The following LEMD3 variants were observed in gnomAD, a reference collection of about 807,000 sequenced individuals.
The protein encoded by LEMD3 is inner nuclear membrane protein Man1.
A neutral mutation model predicts 95.2 loss-of-function variants in LEMD3; 33 were observed. The observed-to-expected ratio is 0.35, with a 90% CI of 0.26 to 0.46. The LOEUF is 0.46. LEMD3 is among the 20% of genes least tolerant of loss of function. The pLI, the probability that LEMD3 is intolerant of heterozygous loss-of-function variation, is 1.00. For synonymous variants in LEMD3, 525 were observed against 474.6 expected (o/e 1.11, Z -1.38); for missense variants, 1,210 against 1,192.8 (o/e 1.01, Z -0.21).
At chr12:65,225,283 G>T (rs1870413163) in intron 4 of LEMD3, among the ~76,000 whole-genome samples, 1 of 151,990 alleles carries the variant, frequency 6.6e-6, no homozygotes, top group Non-Finnish European at 1.5e-5. Flanking sequence ...CATGTGCCTT[G>T]TTACTTTGTG....
intron 1 of LEMD3, among the ~76,000 whole-genome samples, chr12:65,199,708 A>G (rs1365338000): frequency 6.6e-6 from 1 of 152,110 alleles, no homozygotes; most frequent in Non-Finnish European, 1.5e-5. Context: ...AGATTGAATT[A>G]TGAATAAAGC....
intron 1 of LEMD3, among the ~76,000 whole-genome samples, chr12:65,205,984 T>G (rs1017379183): frequency 1.3e-5 from 2 of 152,160 alleles, no homozygotes; most frequent in African/African-American, 4.8e-5. Context: ...TAGAGAACTT[T>G]CAGAAAACAA....
In LEMD3 at chr12:65,214,234, T is replaced by C. The variant is rs1363272314; in HGVS notation, c.1561-1743T>C. Among the ~76,000 whole-genome samples, 3 of 152,060 alleles carry C rather than the reference T, an allele frequency of 2.0e-5. No individual in the cohort carries two copies. The South Asian group carries it at 6.2e-4, about 31-fold the overall frequency. Reference sequence around the variant, plus strand: ...TGCATGCCACCACGCTCAGCTCATGTTCCACCCTCCTCGGCCTCCCAAAGT... The same window carrying C: ...TGCATGCCACCACGCTCAGCTCATGCTCCACCCTCCTCGGCCTCCCAAAGT... On this transcript the variant is annotated intron_variant, in intron 2 of 12. Transcript: ENST00000308330.
chr12:65,206,849 A>G (rs997852173), intron 1 of LEMD3, among the ~76,000 whole-genome samples: 1 of 152,142 alleles, frequency 6.6e-6, no homozygotes, highest in African/African-American at 2.4e-5. Flanking sequence ...TAATAACCAA[A>G]TTAATGATTC....
intron 1 of LEMD3, among the ~76,000 whole-genome samples, chr12:65,175,227 G>GT (rs1474072576): frequency 1.3e-5 from 2 of 152,148 alleles, no homozygotes; most frequent in Non-Finnish European, 2.9e-5. Flanking sequence ...TCTGCAACTT[G>GT]TTTTTTGTAT....
At chr12:65,176,491 T>A (rs2136316694) in intron 1 of LEMD3, among the ~76,000 whole-genome samples, 1 of 152,378 alleles carries the variant, frequency 6.6e-6, no homozygotes, top group East Asian at 1.9e-4. Flanking sequence ...GTTTGGCCCA[T>A]CATTTTGTGC....
chr12:65,190,595 C>T (rs1485381051), intron 1 of LEMD3, among the ~76,000 whole-genome samples: 1 of 152,144 alleles, frequency 6.6e-6, no homozygotes, highest in Non-Finnish European at 1.5e-5. Context: ...TCCCCATCTT[C>T]CAGATCGAAC....
chr12:65,170,708 C>T lies in LEMD3; in HGVS notation c.1112C>T (p.Pro371Leu), dbSNP rs1288285362. 11 of 1,614,126 alleles carry T rather than the reference C, an allele frequency of 6.8e-6. No individual in the cohort carries two copies. The African/African-American group carries it at 1.5e-4, about 22-fold the overall frequency. Residue 371 changes from proline to leucine, a missense_variant, in exon 1 of 13, where the codon CCA (proline) becomes CTA (leucine). Around this residue, in one of 2 missense-constraint regions of LEMD3, gnomAD observed 749 missense variants for 622.9 expected, o/e 1.20. Coordinates refer to ENST00000308330, the MANE Select transcript of LEMD3 (RefSeq NM_014319.5). ...AKKLTPLLPP[P>L]LTDMDSTLDS... ...AAACTGACCCCTCTCCTGCCCCCGC[C>T]ACTTACTGACATGGACTCAACCTTG... is the stretch of plus-strand genomic sequence containing the variant.
chr12:65,178,002 A>C (rs888376750), intron 1 of LEMD3, among the ~76,000 whole-genome samples: 1 of 151,846 alleles, frequency 6.6e-6, no homozygotes, highest in African/African-American at 2.4e-5. Flanking sequence ...GCATCACCAC[A>C]TCTGGCAAAT....
intron 10 of LEMD3, chr12:65,245,428 C>A: frequency 2.2e-6 from 1 of 459,034 alleles, no homozygotes; most frequent in Non-Finnish European, 4.0e-6. Context: ...CATGAGCCAC[C>A]GCGCCTGGCC....
Position 65,239,934 on chromosome 12 carries a change from G to T in LEMD3, c.1927G>T (p.Val643Leu). Residue 643 changes from valine (V) to leucine (L), a missense_variant, in exon 7 of 13, where the codon GTG becomes TTG. Coordinates refer to ENST00000308330, the MANE Select transcript of LEMD3 (RefSeq NM_014319.5). ...HRLLLLCLGVVMVCVVLRYMK... is the reference protein window; with the variant it reads ...HRLLLLCLGVLMVCVVLRYMK... ...AAAGTATATTAATATTACAGGTGTAGTGATGGTTTGTGTCGTTCTGCGTTA... is the reference window on the plus strand; with the variant it reads ...AAAGTATATTAATATTACAGGTGTATTGATGGTTTGTGTCGTTCTGCGTTA... 2 of 1,600,920 alleles carry T rather than the reference G, an allele frequency of 1.2e-6. No homozygotes were observed. Among genetic ancestry groups the T allele is most frequent in the Non-Finnish European group, 1.7e-6 (2 of 1,168,186 alleles).
intron 1 of LEMD3, among the ~76,000 whole-genome samples, chr12:65,194,384 C>G (rs1047980777): frequency 6.6e-6 from 1 of 151,866 alleles, no homozygotes; most frequent in African/African-American, 2.4e-5. Context: ...ATCCACCTCC[C>G]TGAAAATTTG....
intron 2 of LEMD3, among the ~76,000 whole-genome samples, chr12:65,215,762 G>A (rs758944047): frequency 9.9e-5 from 15 of 151,922 alleles, no homozygotes; most frequent in Non-Finnish European, 1.8e-4. Context: ...TTTTTAAATC[G>A]TTCTCCAGAA....
At chr12:65,183,956 C>T (rs1287547576) in intron 1 of LEMD3, among the ~76,000 whole-genome samples, 1 of 152,106 alleles carries the variant, frequency 6.6e-6, no homozygotes, top group African/African-American at 2.4e-5. Flanking sequence ...GAGTCTGTTA[C>T]AGGACCGTGG....
intron 4 of LEMD3, among the ~76,000 whole-genome samples, chr12:65,218,891 C>T (rs533456483): frequency 2.9e-4 from 44 of 150,020 alleles, no homozygotes; most frequent in African/African-American, 9.4e-4. Context: ...GGGGTTCAAG[C>T]GATTCTCCTG....
In LEMD3 at chr12:65,169,793, G is replaced by C; in HGVS notation, c.197G>C (p.Ser66Thr). The C allele has an allele frequency of 6.4e-7, 1 of 1,555,288 alleles. No individual in the cohort carries two copies. Among genetic ancestry groups the C allele is most frequent in the Non-Finnish European group, 8.7e-7 (1 of 1,148,754 alleles). Residue 66 changes from serine to threonine, a missense_variant, in exon 1 of 13, where the codon AGT becomes ACT. By Grantham distance (58) the Ser-to-Thr change is moderately conservative (BLOSUM62 1). Transcript: ENST00000308330. The stretch of plus-strand genomic sequence containing the variant: ...GGCCGCGGCAACAAGACGCGGAACA[G>C]TAATAACAATAACACGGCAGCCGCC... ...SGGRGNKTRN[S>T]NNNNTAAATV...
chr12:65,203,776 T>C (rs1869677784), intron 1 of LEMD3, among the ~76,000 whole-genome samples: 2 of 152,216 alleles, frequency 1.3e-5, no homozygotes, highest in African/African-American at 4.8e-5. Context: ...TTCCTTTTAT[T>C]TCTATCAGTT....
At chr12:65,218,480 A>C in intron 3 of LEMD3, 72 bp from the exon 4 acceptor site, 1 of 853,908 alleles carries the variant, frequency 1.2e-6, no homozygotes, top group Non-Finnish European at 1.9e-6. Flanking sequence ...AAAATATTTG[A>C]ATTAATTATG....
At chr12:65,235,966 T>C (rs1870760966) in intron 4 of LEMD3, among the ~76,000 whole-genome samples, 2 of 152,232 alleles carry the variant, frequency 1.3e-5, no homozygotes, top group South Asian at 4.1e-4. Context: ...CCTATAGTTA[T>C]CTTCACCATC....
Sources: gnomAD v4.1 joint callset for allele counts (sites outside exome capture counted in the v4.1 genomes callset) on GRCh38, gnomAD v4.1.1 for gene constraint, gnomAD v4.1.1 regional missense constraint, MANE v1.5 for transcripts, NCBI Gene and HGNC (gene_info 2026-07-23, HGNC 2026-07-21) for gene names.